Variants in IFT22 observed in about 807,000 individuals in gnomAD.
The protein encoded by IFT22 is intraflagellar transport protein 22 homolog.
A neutral mutation model predicts 21.0 loss-of-function variants in IFT22; 13 were observed. The ratio of observed to expected loss-of-function variants is 0.62; its 90% CI spans 0.40 to 0.98. The LOEUF is 0.98. IFT22 is among the 50% of genes least tolerant of loss of function. The pLI is 0.00. For synonymous variants in IFT22, 67 were observed against 82.4 expected (o/e 0.81, Z 1.01); for missense variants, 227 against 228.9 (o/e 0.99, Z 0.06).
Position 101,311,565 on chromosome 7 carries a change from C to T in IFT22, c.*3569G>A, listed in dbSNP as rs1019610170. Among the ~76,000 whole-genome samples, 3 of 152,208 alleles carry T rather than the reference C, an allele frequency of 2.0e-5. No homozygotes were observed. Among genetic ancestry groups the T allele is most frequent in the Non-Finnish European group, 4.4e-5 (3 of 68,050 alleles). Reference sequence around the variant, plus strand: ...TCAGCCCTCCTCACTGTGAAAGTGACAGACACCCTAGCATTTTTATTCATC... The same window carrying T: ...TCAGCCCTCCTCACTGTGAAAGTGATAGACACCCTAGCATTTTTATTCATC... On this transcript the variant is annotated 3_prime_UTR_variant, in exon 5 of 5. Coordinates refer to ENST00000315322, the MANE Select transcript of IFT22 (RefSeq NM_022777.4).
chr7:101,314,774 C>T lies in IFT22; in HGVS notation c.*360G>A, dbSNP rs1031827364. ...TGGGTGAATCAAGGAATGAAAATCA[C>T]ATTCAAGCCAATACACGTGATTAAA... On this transcript the variant is annotated 3_prime_UTR_variant, in exon 5 of 5. Transcript: ENST00000315322. 18 of 197,532 alleles carry T rather than the reference C, an allele frequency of 9.1e-5. No homozygotes were observed. The highest frequency in any genetic ancestry group is 3.7e-4 in the African/African-American group (16 of 42,704). The allele number at this position is 197,532 out of a possible 1,614,324, so 12.2% of individuals were successfully genotyped here.
Position 101,311,835 on chromosome 7 carries a change from C to G in IFT22, c.*3299G>C, listed in dbSNP as rs1011566129. ...GACCAGCCTGGCCAAGATGGTGAAA[C>G]CGTCTCTACTAAAAATACAAAAATT... On this transcript the variant is annotated 3_prime_UTR_variant, in exon 5 of 5. Transcript: ENST00000315322. 6.6e-6 allele frequency among the ~76,000 whole-genome samples: 1 copy of G among 151,548 alleles called. No individual in the cohort carries two copies. Among genetic ancestry groups the G allele is most frequent in the Non-Finnish European group, 1.5e-5 (1 of 67,946 alleles).
In IFT22 at chr7:101,315,151, TCTC is replaced by T. The variant is rs376378313; in HGVS notation, c.538_540del (p.Glu180del). ...AAGGCTGGCTAGGTCATAATTGACATCTCCTCCCTGTCTCTGCTCTCAGACATG... is the reference window on the plus strand; with the variant it reads ...AAGGCTGGCTAGGTCATAATTGACATCTCCCTGTCTCTGCTCTCAGACATG... On this transcript the variant is annotated inframe_deletion, in exon 5 of 5. Coordinates refer to ENST00000315322, the MANE Select transcript of IFT22 (RefSeq NM_022777.4). 83 of 1,613,852 alleles carry T rather than the reference TCTC, an allele frequency of 5.1e-5. No individual in the cohort carries two copies. The highest frequency in any genetic ancestry group is 6.9e-5 in the Non-Finnish European group (82 of 1,179,968).
In IFT22 at chr7:101,316,507, G is replaced by C; in HGVS notation, c.242C>G (p.Ala81Gly). Residue 81 changes from alanine (A) to glycine (G), a missense_variant, in exon 4 of 5, where the codon GCT (alanine) becomes GGT (glycine). By Grantham distance (60) the Ala-to-Gly change is moderately conservative. Transcript: ENST00000315322. ...ESCWPALMKD[A>G]HGVVIVFNAD... ...ATTGAAGACGATCACCACTCCATGA[G>C]CATCCTTCATCAGGGCCGGCCAGCA... is the stretch of plus-strand genomic sequence containing the variant. The C allele has an allele frequency of 6.2e-7, 1 of 1,614,168 alleles. No individual in the cohort carries two copies. Among genetic ancestry groups the C allele is most frequent in the Non-Finnish European group, 8.5e-7 (1 of 1,180,036 alleles).
Position 101,316,465 on chromosome 7 carries a change from T to A in IFT22, c.284A>T (p.His95Leu). The A allele has an allele frequency of 6.2e-7, 1 of 1,614,088 alleles. No homozygotes were observed. The highest frequency in any genetic ancestry group is 8.5e-7 in the Non-Finnish European group (1 of 1,180,012). ...VIVFNADIPS[H>L]RKEMEMWYSC... Reference sequence around the variant, plus strand: ...ATACCACATCTCCATTTCCTTCCGGTGGCTTGGGATGTCAGCATTGAAGAC... The same window carrying A: ...ATACCACATCTCCATTTCCTTCCGGAGGCTTGGGATGTCAGCATTGAAGAC... Residue 95 changes from histidine to leucine, a missense_variant, in exon 4 of 5, where the codon CAC becomes CTC. His to Leu is a moderately conservative substitution (Grantham distance 99). Coordinates refer to ENST00000315322, the MANE Select transcript of IFT22 (RefSeq NM_022777.4).
At chr7:101,321,363 A>G in intron 1 of IFT22, 2 of 417,716 alleles carry the variant, frequency 4.8e-6, no homozygotes, top group Non-Finnish European at 8.6e-6. Flanking sequence ...CATTAGGGGG[A>G]TCCCGGGGGC....
At chr7:101,317,940 G>C (rs1357475608) in intron 3 of IFT22, among the ~76,000 whole-genome samples, 184 bp downstream of exon 3, 1 of 152,090 alleles carries the variant, frequency 6.6e-6, no homozygotes, top group Non-Finnish European at 1.5e-5. Context: ...CTAATTTTTT[G>C]TATTTTTAGT....
intron 2 of IFT22, 68 bp from the exon 3 acceptor site, chr7:101,318,281 A>G: frequency 1.6e-6 from 2 of 1,252,930 alleles, no homozygotes; most frequent in Non-Finnish European, 2.3e-6. Context: ...GCAGTCTGGG[A>G]GGCCAAGGCG....
intron 2 of IFT22, chr7:101,318,621 T>C (rs1266059019): frequency 1.4e-5 from 4 of 278,178 alleles, no homozygotes; most frequent in Non-Finnish European, 2.7e-5. Context: ...GGCTGGGCAG[T>C]CTTTTAAAAT....
intron 1 of IFT22, among the ~76,000 whole-genome samples, chr7:101,319,964 AT>A (rs201174704): frequency 4.1e-5 from 6 of 145,980 alleles, no homozygotes; most frequent in African/African-American, 1.0e-4. Flanking sequence ...GTTTTATTTT[AT>A]TTTTTTTTTA....
Position 101,315,255 on chromosome 7 carries a change from A to G in IFT22, c.437T>C (p.Val146Ala), listed in dbSNP as rs1790110736. 3 of 1,614,046 alleles carry G rather than the reference A, an allele frequency of 1.9e-6. No individual in the cohort carries two copies. The highest frequency in any genetic ancestry group is 4.5e-5 in the East Asian group (2 of 44,880). ...LSPPLNKLKL[V>A]HSNLEDDPEE... ...AGGGTCATCTTCCAGGTTTGAGTGC[A>G]CCAGCTTCAGCTTGTTCAAGGGTGG... Residue 146 changes from valine (V) to alanine (A), a missense_variant, in exon 5 of 5, where the codon GTG becomes GCG. Val to Ala is a moderately conservative substitution (Grantham distance 64). Coordinates refer to ENST00000315322, the MANE Select transcript of IFT22 (RefSeq NM_022777.4).
chr7:101,321,754 C>G lies in IFT22; in HGVS notation c.-45G>C, dbSNP rs368901886. ...GCCGGCCGGAGCCCACGGGAGGCGG[C>G]GCGTCAGGACGGAGCTCTACTTGGC... is the stretch of plus-strand genomic sequence containing the variant. On this transcript the variant is annotated 5_prime_UTR_variant, in exon 1 of 5. Transcript: ENST00000315322. The G allele has an allele frequency of 6.5e-7, 1 of 1,549,122 alleles. No homozygotes were observed. Among genetic ancestry groups the G allele is most frequent in the Admixed American group, 2.0e-5 (1 of 50,828 alleles).
In IFT22 at chr7:101,315,085, G is replaced by C; in HGVS notation, c.*49C>G. The C allele has an allele frequency of 6.3e-7, 1 of 1,589,474 alleles. No individual in the cohort carries two copies. Among genetic ancestry groups the C allele is most frequent in the Non-Finnish European group, 8.6e-7 (1 of 1,166,492 alleles). On this transcript the variant is annotated 3_prime_UTR_variant, in exon 5 of 5. Transcript: ENST00000315322. ...GGATGTGATTTCAGATCTGCACCGA[G>C]AAACATGCTGATTTCACTGGGGATG...
At position 101,311,178 on chromosome 7, in the gene IFT22, A is replaced by G. The variant is rs962091713; in HGVS notation, c.*3956T>C. Among the ~76,000 whole-genome samples the G allele has an allele frequency of 1.3e-5, 2 of 151,806 alleles. No individual in the cohort carries two copies. Among genetic ancestry groups the G allele is most frequent in the Admixed American group, 6.6e-5 (1 of 15,202 alleles). ...CCGGCTTATTTTTTGTATTTTTAGT[A>G]GAGGTGGGGTTTCACTGTTAGCCAG... is the stretch of plus-strand genomic sequence containing the variant. On this transcript the variant is annotated 3_prime_UTR_variant, in exon 5 of 5. Transcript: ENST00000315322.
chr7:101,316,365 T>C lies in IFT22; in HGVS notation c.384A>G (p.Gly128=). The C allele has an allele frequency of 6.2e-7, 1 of 1,614,144 alleles. No individual in the cohort carries two copies. The highest frequency in any genetic ancestry group is 8.5e-7 in the Non-Finnish European group (1 of 1,180,046). The change falls in exon 4 of 5, where the codon GGA becomes GGG. Residue 128 remains glycine, a synonymous_variant. Coordinates refer to ENST00000315322, the MANE Select transcript of IFT22 (RefSeq NM_022777.4). Reference sequence around the variant, plus strand: ...ACAAAGACAGGCTTCCTTTATCATCTCCAGAGCCTGGTTTGTGGTGTGCAA... The same window carrying C: ...ACAAAGACAGGCTTCCTTTATCATCCCCAGAGCCTGGTTTGTGGTGTGCAA... ...MLIAHHKPGS[G]DDKGSLSLSP...
At position 101,312,765 on chromosome 7, in the gene IFT22, G is replaced by A. The variant is rs1399282883; in HGVS notation, c.*2369C>T. Among the ~76,000 whole-genome samples the A allele has an allele frequency of 2.0e-5, 3 of 151,800 alleles. No homozygotes were observed. Among genetic ancestry groups the A allele is most frequent in the Admixed American group, 6.6e-5 (1 of 15,214 alleles). ...TTGGACAGGCTGGTCTCGAACTCCTGACCTTGTGATTTACCTGCCTTGGCC... is the reference window on the plus strand; with the variant it reads ...TTGGACAGGCTGGTCTCGAACTCCTAACCTTGTGATTTACCTGCCTTGGCC... On this transcript the variant is annotated 3_prime_UTR_variant, in exon 5 of 5. Coordinates refer to ENST00000315322, the MANE Select transcript of IFT22 (RefSeq NM_022777.4).
Position 101,313,353 on chromosome 7 carries a change from AAT to A in IFT22, c.*1779_*1780del. On this transcript the variant is annotated 3_prime_UTR_variant, in exon 5 of 5. Coordinates refer to ENST00000315322, the MANE Select transcript of IFT22 (RefSeq NM_022777.4). ...CCCACTGCAACTGGCCAGGCACTTC[AAT>A]TTTTTTTTTTTTGCTCTGTCACCAG... The A allele has an allele frequency of 6.7e-6, 1 of 150,316 alleles. No homozygotes were observed. The highest frequency in any genetic ancestry group is 2.4e-5 in the African/African-American group (1 of 40,822). 9.3% of individuals were successfully genotyped at this position (150,316 alleles called of 1,614,324 possible).
In IFT22 at chr7:101,311,760, C is replaced by T. The variant is rs1046536117; in HGVS notation, c.*3374G>A. 6.6e-6 allele frequency among the ~76,000 whole-genome samples: 1 copy of T among 152,134 alleles called. No individual in the cohort carries two copies. Among genetic ancestry groups the T allele is most frequent in the Non-Finnish European group, 1.5e-5 (1 of 68,026 alleles). The stretch of plus-strand genomic sequence containing the variant: ...GGTGCAGTGGCTCACACCTGTAATC[C>T]CAGCACTTTGGGAGGCTGAGGCGGG... On this transcript the variant is annotated 3_prime_UTR_variant, in exon 5 of 5. Coordinates refer to ENST00000315322, the MANE Select transcript of IFT22 (RefSeq NM_022777.4).
At chr7:101,318,039 A>G in intron 3 of IFT22, 85 bp downstream of exon 3, 1 of 1,184,020 alleles carries the variant, frequency 8.4e-7, no homozygotes, top group Non-Finnish European at 1.2e-6. Flanking sequence ...AAGTGCTGGA[A>G]TTACAGGTGT....
Sources: allele counts gnomAD v4.1 joint callset (sites outside exome capture counted in the v4.1 genomes callset), GRCh38; gene constraint gnomAD v4.1.1; transcripts MANE v1.5; gene names NCBI Gene and HGNC (gene_info 2026-07-23, HGNC 2026-07-21).